Variants in PCSK2 observed in about 807,000 individuals in gnomAD.
PCSK2 encodes proprotein convertase subtilisin/kexin type 2.
Under a neutral mutation model 69.7 loss-of-function variants are expected in PCSK2, and 14 were observed. The observed-to-expected ratio is 0.20, with a 90% CI of 0.13 to 0.31. The LOEUF (loss-of-function observed/expected upper bound fraction) is 0.31, where lower values mean the gene tolerates loss of function less well. Among genes scored for constraint, PCSK2 ranks in the 10% least tolerant of loss-of-function variants. PCSK2 has a pLI of 1.00. For synonymous variants in PCSK2, 307 were observed against 320.7 expected (o/e 0.96, Z 0.46); for missense variants, 544 against 842.5 (o/e 0.65, Z 4.39).
chr20:17,436,899 C>A lies in PCSK2; in HGVS notation c.885+16C>A, dbSNP rs1347946393. ...CGTGAACAAGGTAAGGGGGCCGGCC[C>A]CCTAGGCCCCGGCCACTCACAAGTT... On this transcript the variant is annotated intron_variant, in intron 8 of 11. Coordinates refer to ENST00000262545, the MANE Select transcript of PCSK2 (RefSeq NM_002594.5). 2 of 1,582,424 alleles carry A rather than the reference C, an allele frequency of 1.3e-6. No individual in the cohort carries two copies. The highest frequency in any genetic ancestry group is 1.7e-6 in the Non-Finnish European group (2 of 1,166,326).
At chr20:17,350,509 C>T (rs1299779363) in intron 2 of PCSK2, among the ~76,000 whole-genome samples, 2 of 151,920 alleles carry the variant, frequency 1.3e-5, no homozygotes, top group Non-Finnish European at 2.9e-5. Context: ...TAATTATCAG[C>T]CCAGCAGGGA....
At chr20:17,476,653 A>T (rs1300400360) in intron 11 of PCSK2, among the ~76,000 whole-genome samples, 3 of 152,244 alleles carry the variant, frequency 2.0e-5, no homozygotes, top group African/African-American at 7.2e-5. Context: ...TGTTCAGGGC[A>T]GGAATTAATA....
intron 8 of PCSK2, among the ~76,000 whole-genome samples, chr20:17,443,741 C>G (rs1215162546): frequency 6.6e-6 from 1 of 152,162 alleles, no homozygotes; most frequent in African/African-American, 2.4e-5. Context: ...ATATTTCTCT[C>G]TCCTCCATCT....
intron 11 of PCSK2, among the ~76,000 whole-genome samples, chr20:17,466,428 C>A (rs1056526920): frequency 1.3e-5 from 2 of 152,142 alleles, no homozygotes; most frequent in Admixed American, 1.3e-4. Flanking sequence ...TTTATTCATT[C>A]TACCTGTGGG....
chr20:17,268,899 G>T (rs76791491), intron 2 of PCSK2, among the ~76,000 whole-genome samples: 3 of 152,320 alleles, frequency 2.0e-5, no homozygotes, highest in African/African-American at 7.2e-5. Flanking sequence ...GGAGTATGTT[G>T]TGAAGGTAGT....
chr20:17,287,098 T>C (rs1012089001), intron 2 of PCSK2, among the ~76,000 whole-genome samples: 1 of 152,040 alleles, frequency 6.6e-6, no homozygotes, highest in Non-Finnish European at 1.5e-5. Context: ...GACCCACCCA[T>C]ATTTTGAGGG....
In PCSK2 at chr20:17,403,323, T is replaced by C. The variant is rs561538973; in HGVS notation, c.544-5940T>C. 3.9e-5 allele frequency among the ~76,000 whole-genome samples: 6 copies of C among 152,366 alleles called. No homozygotes were observed. In the East Asian group the frequency reaches 1.2e-3, roughly 29 times the overall value. ...TTAATATAGACATAAATCCCTTTAA[T>C]GTTCGTTTCAGTCAAAAGTGAGCGG... On this transcript the variant is annotated intron_variant, in intron 5 of 11. Coordinates refer to ENST00000262545, the MANE Select transcript of PCSK2 (RefSeq NM_002594.5).
chr20:17,463,030 TCAAA>T (rs2123397298), intron 10 of PCSK2, among the ~76,000 whole-genome samples: 1 of 152,310 alleles, frequency 6.6e-6, no homozygotes, highest in African/African-American at 2.4e-5. Context: ...AAATAGCAGG[TCAAA>T]CAGTGTCATA....
intron 6 of PCSK2, among the ~76,000 whole-genome samples, chr20:17,428,488 G>A (rs2032294314): frequency 6.6e-6 from 1 of 152,120 alleles, no homozygotes; most frequent in Admixed American, 6.5e-5. Context: ...TGCCCCAAGA[G>A]GATGTCCCAG....
chr20:17,270,584 G>A (rs1178969417), intron 2 of PCSK2, among the ~76,000 whole-genome samples: 2 of 152,042 alleles, frequency 1.3e-5, no homozygotes, highest in Non-Finnish European at 2.9e-5. Flanking sequence ...TAGCAATAAA[G>A]AACTTATTGC....
At chr20:17,255,373 G>A (rs889721991) in intron 1 of PCSK2, among the ~76,000 whole-genome samples, 3 of 150,052 alleles carry the variant, frequency 2.0e-5, no homozygotes, top group Non-Finnish European at 4.4e-5. Context: ...ACGGAGTCTC[G>A]CTCTGTTGTC....
chr20:17,480,908 ACG>A (rs1426182739), intron 11 of PCSK2, among the ~76,000 whole-genome samples: 1 of 152,158 alleles, frequency 6.6e-6, no homozygotes, highest in Non-Finnish European at 1.5e-5. Flanking sequence ...GCAGGCTTCC[ACG>A]GAGGTGGGAG....
In PCSK2 at chr20:17,479,171, T is replaced by C. The variant is rs73900849; in HGVS notation, c.1431-2413T>C. On this transcript the variant is annotated intron_variant, in intron 11 of 11. Transcript: ENST00000262545. Reference sequence around the variant, plus strand: ...ACGGTACAGGTTCCATCAGATGTGGTATCCCAAAAACAGGAGCTGCTGTGC... The same window carrying C: ...ACGGTACAGGTTCCATCAGATGTGGCATCCCAAAAACAGGAGCTGCTGTGC... 6.5e-3 allele frequency: 8,950 copies of C among 1,387,446 alleles called. 506 individuals carry two copies. In the African/African-American group the frequency reaches 0.11, roughly 18 times the overall value. The allele number at this position is 1,387,446 out of a possible 1,614,324, so 85.9% of individuals were successfully genotyped here.
rs762925039 is a variant in PCSK2 at position 17,409,301 on chromosome 20, C to T, written c.582C>T (p.Pro194=). The T allele has an allele frequency of 6.2e-7, 1 of 1,614,040 alleles. No individual in the cohort carries two copies. Among genetic ancestry groups the T allele is most frequent in the South Asian group, 1.1e-5 (1 of 91,082 alleles). ...EASYDFSSND[P]YPYPRYTDDW... ...GTTACGACTTCAGCAGCAACGACCCCTATCCTTACCCTCGGTACACAGATG... is the reference window on the plus strand; with the variant it reads ...GTTACGACTTCAGCAGCAACGACCCTTATCCTTACCCTCGGTACACAGATG... The change falls in exon 6 of 12, where the codon CCC becomes CCT. Residue 194 remains proline, a synonymous_variant. Transcript: ENST00000262545.
intron 8 of PCSK2, among the ~76,000 whole-genome samples, chr20:17,447,675 A>G (rs2123370322): frequency 6.6e-6 from 1 of 152,328 alleles, no homozygotes; most frequent in Admixed American, 6.5e-5. Flanking sequence ...AAAGACATAT[A>G]TAAGATTATG....
At chr20:17,331,713 G>C (rs568041253) in intron 2 of PCSK2, among the ~76,000 whole-genome samples, 2 of 151,582 alleles carry the variant, frequency 1.3e-5, no homozygotes, top group Non-Finnish European at 2.9e-5. Context: ...AATAATGACA[G>C]CAATGGTGGT....
At chr20:17,280,104 A>G (rs1988251291) in intron 2 of PCSK2, among the ~76,000 whole-genome samples, 1 of 152,146 alleles carries the variant, frequency 6.6e-6, no homozygotes, top group Non-Finnish European at 1.5e-5. Context: ...CAACATGGTT[A>G]TACATGCACA....
At position 17,473,010 on chromosome 20, in the gene PCSK2, A is replaced by T. The variant is rs147526902; in HGVS notation, c.1430+7457A>T. Among the ~76,000 whole-genome samples, 492 of 151,812 alleles carry T rather than the reference A, an allele frequency of 3.2e-3. 5 individuals are homozygous for T. Among genetic ancestry groups the T allele is most frequent in the African/African-American group, 0.011 (474 of 41,362 alleles). On this transcript the variant is annotated intron_variant, in intron 11 of 11. Coordinates refer to ENST00000262545, the MANE Select transcript of PCSK2 (RefSeq NM_002594.5). ...TAAAATAAAGATACAAGCCACCCCG[A>T]CAACCCCAAGTTTGTCTTTTATAAG...
chr20:17,247,848 C>G (rs137950706), intron 1 of PCSK2, among the ~76,000 whole-genome samples: 2 of 152,250 alleles, frequency 1.3e-5, no homozygotes, highest in East Asian at 3.9e-4. Context: ...GTTGCCAGTT[C>G]CCTGGAGTTC....
Sources: allele counts gnomAD v4.1 joint callset (sites outside exome capture counted in the v4.1 genomes callset), GRCh38; gene constraint gnomAD v4.1.1; transcripts MANE v1.5; gene names NCBI Gene and HGNC (gene_info 2026-07-23, HGNC 2026-07-21).